The following CNTNAP4 variants were observed in gnomAD, a reference collection of about 807,000 sequenced individuals.
CNTNAP4 encodes contactin-associated protein-like 4.
CNTNAP4 carries 98 observed loss-of-function variants against 148.4 expected under a neutral mutation model. That is an observed-to-expected ratio of 0.66 (90% CI 0.56 to 0.78). The LOEUF (loss-of-function observed/expected upper bound fraction) is 0.78. Ranked by LOEUF, CNTNAP4 falls within the 30% of genes least tolerant of loss-of-function variation. CNTNAP4 has a pLI of 0.00. For missense variants in CNTNAP4, 1,935 were observed against 1,565.6 expected, an observed-to-expected ratio of 1.24 and a Z score of -3.98; for synonymous variants, 730 against 565.1, an observed-to-expected ratio of 1.29 and a Z score of -4.14.
At chr16:76,479,917 A>G (rs2081753438) in intron 12 of CNTNAP4, among the ~76,000 whole-genome samples, 3 of 152,202 alleles carry the variant, frequency 2.0e-5, no homozygotes, top group Admixed American at 2.0e-4. Context: ...ATAGAAATTA[A>G]TAAACATGGA....
intron 1 of CNTNAP4, among the ~76,000 whole-genome samples, chr16:76,307,805 G>T (rs777686132): frequency 5.9e-5 from 9 of 152,090 alleles, no homozygotes; most frequent in Non-Finnish European, 7.3e-5. Flanking sequence ...GCCCCTGGCT[G>T]TTCTGTCATT....
intron 12 of CNTNAP4, among the ~76,000 whole-genome samples, chr16:76,484,774 C>T (rs2081966164): frequency 1.3e-5 from 2 of 152,156 alleles, no homozygotes; most frequent in African/African-American, 4.8e-5. Context: ...ATCAATGTTT[C>T]ATTGCTTGCA....
intron 2 of CNTNAP4, among the ~76,000 whole-genome samples, chr16:76,339,311 C>T (rs1408539059): frequency 1.3e-5 from 2 of 152,124 alleles, no homozygotes; most frequent in African/African-American, 4.8e-5. Context: ...TATAACATCT[C>T]ATTTCTGCCT....
intron 14 of CNTNAP4, 132 bp downstream of exon 14, chr16:76,495,198 G>T: frequency 1.0e-6 from 1 of 967,644 alleles, no homozygotes; most frequent in Non-Finnish European, 1.5e-6. Flanking sequence ...TTGTTTTAAT[G>T]AAACGTGGTG....
chr16:76,355,261 A>C lies in CNTNAP4; in HGVS notation c.197-57A>C, dbSNP rs1386706709. 4 of 1,334,388 alleles carry C rather than the reference A, an allele frequency of 3.0e-6. No homozygotes were observed. In the African/African-American group the frequency reaches 5.9e-5, roughly 20 times the overall value. The allele number at this position is 1,334,388 out of a possible 1,614,324, so 82.7% of individuals were successfully genotyped here. On this transcript the variant is annotated intron_variant, in intron 2 of 23. Coordinates refer to ENST00000611870, the MANE Select transcript of CNTNAP4 (RefSeq NM_033401.5). ...CGTACTGGCATTTCTTTACAAACAT[A>C]GATTTTTAACTAACTTTCCTTTCTC...
intron 15 of CNTNAP4, among the ~76,000 whole-genome samples, chr16:76,502,452 C>G (rs960008578): frequency 1.3e-5 from 2 of 151,284 alleles, no homozygotes; most frequent in Non-Finnish European, 2.9e-5. Flanking sequence ...GCACGGTAGG[C>G]CTTATAAGCA....
At chr16:76,479,637 C>G (rs1039545969) in intron 12 of CNTNAP4, 99 bp downstream of exon 12, 2 of 1,245,252 alleles carry the variant, frequency 1.6e-6, no homozygotes, top group African/African-American at 3.1e-5. Context: ...TAATTTGCAA[C>G]TTGATTAAAA....
chr16:76,392,288 C>T (rs1278196372), intron 3 of CNTNAP4, among the ~76,000 whole-genome samples: 3 of 152,198 alleles, frequency 2.0e-5, no homozygotes, highest in Non-Finnish European at 2.9e-5. Context: ...GCCACTGTGC[C>T]TGGGTCTTCC....
chr16:76,524,866 GT>G (rs1328840810), intron 17 of CNTNAP4, among the ~76,000 whole-genome samples: 1 of 151,946 alleles, frequency 6.6e-6, no homozygotes, highest in Non-Finnish European at 1.5e-5. Context: ...GACATATACT[GT>G]TAATAAAAAT....
chr16:76,434,858 C>T (rs147012824), intron 4 of CNTNAP4, among the ~76,000 whole-genome samples: 41 of 152,270 alleles, frequency 2.7e-4, no homozygotes, highest in African/African-American at 9.6e-4. Flanking sequence ...CGCACTGGAC[C>T]TACTATAAGT....
At chr16:76,518,607 G>A (rs1174511630) in intron 15 of CNTNAP4, among the ~76,000 whole-genome samples, 2 of 21,894 alleles carry the variant, frequency 9.1e-5, no homozygotes, top group Admixed American at 3.6e-4. Flanking sequence ...GAATGTGCAT[G>A]CATAGAATTA....
chr16:76,333,785 T>TG (rs1455262167), intron 2 of CNTNAP4, among the ~76,000 whole-genome samples: 2 of 146,826 alleles, frequency 1.4e-5, no homozygotes, highest in Non-Finnish European at 3.0e-5. Flanking sequence ...ATAGGTTTTT[T>TG]TTTTTTTTTT....
intron 4 of CNTNAP4, among the ~76,000 whole-genome samples, chr16:76,428,815 G>A (rs761141601): frequency 1.1e-4 from 16 of 151,988 alleles, no homozygotes; most frequent in Non-Finnish European, 1.6e-4. Context: ...AAATAGCACC[G>A]TTTCCTTAGT....
At chr16:76,443,202 GA>G (rs1312021138) in intron 4 of CNTNAP4, among the ~76,000 whole-genome samples, 1 of 151,996 alleles carries the variant, frequency 6.6e-6, no homozygotes, top group East Asian at 1.9e-4. Flanking sequence ...TTCACAGTTA[GA>G]AAAATAATTC....
intron 2 of CNTNAP4, among the ~76,000 whole-genome samples, chr16:76,341,798 A>G (rs979447283): frequency 1.9e-4 from 29 of 152,192 alleles, no homozygotes; most frequent in Admixed American, 1.8e-3. Flanking sequence ...GATGTAAAGC[A>G]AGAGAAAATG....
At chr16:76,412,690 T>C (rs2144928064) in intron 3 of CNTNAP4, among the ~76,000 whole-genome samples, 1 of 151,444 alleles carries the variant, frequency 6.6e-6, no homozygotes, top group Admixed American at 6.6e-5. Flanking sequence ...TTTTTTTCTC[T>C]CATTGCTTTG....
intron 3 of CNTNAP4, among the ~76,000 whole-genome samples, chr16:76,359,243 C>T (rs1396429145): frequency 6.6e-6 from 1 of 152,222 alleles, no homozygotes; most frequent in South Asian, 2.1e-4. Flanking sequence ...ACAAAATATG[C>T]CAATTTCCTT....
At chr16:76,440,177 T>TC (rs1334878365) in intron 4 of CNTNAP4, among the ~76,000 whole-genome samples, 1 of 152,160 alleles carries the variant, frequency 6.6e-6, no homozygotes, top group Non-Finnish European at 1.5e-5. Context: ...ATATTTTTTT[T>TC]CTCTGATCTT....
chr16:76,422,049 T>G (rs2145004722), intron 3 of CNTNAP4, among the ~76,000 whole-genome samples: 1 of 152,308 alleles, frequency 6.6e-6, no homozygotes, highest in Non-Finnish European at 1.5e-5. Flanking sequence ...CTATTATGCC[T>G]CTTCATAAAC....
Sources: gnomAD v4.1 joint callset for allele counts (sites outside exome capture counted in the v4.1 genomes callset) on GRCh38, gnomAD v4.1.1 for gene constraint, MANE v1.5 for transcripts, NCBI Gene and HGNC (gene_info 2026-07-23, HGNC 2026-07-21) for gene names.